DGKI: variants seen among roughly 807,000 people sequenced by gnomAD.
DGKI encodes DAG kinase iota.
In DGKI, 55 loss-of-function variants were observed where a neutral mutation model predicts 147.5. The ratio of observed to expected loss-of-function variants is 0.37; its 90% CI spans 0.30 to 0.47. The LOEUF (loss-of-function observed/expected upper bound fraction) is 0.47, where lower values mean the gene tolerates loss of function less well. Among genes scored for constraint, DGKI ranks in the 20% least tolerant of loss-of-function variants. DGKI has a pLI of 1.00. For synonymous variants in DGKI, 469 were observed against 477.1 expected (o/e 0.98, Z 0.22); for missense variants, 1,007 against 1,323.8 (o/e 0.76, Z 3.71).
chr7:137,591,703 A>G (rs1023871907), intron 12 of DGKI, among the ~76,000 whole-genome samples: 1 of 152,140 alleles, frequency 6.6e-6, no homozygotes, highest in African/African-American at 2.4e-5. Context: ...TGTTTCATCA[A>G]CTCATGTGTA....
chr7:137,522,028 C>G, intron 20 of DGKI, 62 bp from the exon 21 acceptor site: 5 of 1,232,378 alleles, frequency 4.1e-6, no homozygotes, highest in Non-Finnish European at 5.9e-6. Context: ...AGCCATGCAC[C>G]TGAAGGAATA....
At chr7:137,841,428 G>A (rs575515261) in intron 1 of DGKI, among the ~76,000 whole-genome samples, 1 of 152,276 alleles carries the variant, frequency 6.6e-6, no homozygotes, top group East Asian at 1.9e-4. Flanking sequence ...TTATGGCTTA[G>A]ATTTCATTTT....
At chr7:137,397,004 A>G (rs116974120) in intron 31 of DGKI, among the ~76,000 whole-genome samples, 1,917 of 152,302 alleles carry the variant, frequency 0.013, 15 homozygotes, top group Non-Finnish European at 0.019. Context: ...GCCTTAGGGC[A>G]GTAGGGCCCC....
chr7:137,790,231 A>AACACACACAC (rs137932599), intron 1 of DGKI, among the ~76,000 whole-genome samples: 3 of 143,712 alleles, frequency 2.1e-5, no homozygotes, highest in East Asian at 2.0e-4. Context: ...GTGTATTACC[A>AACACACACAC]ACACACACAC....
At chr7:137,429,638 T>G (rs1026418803) in intron 28 of DGKI, among the ~76,000 whole-genome samples, 1 of 151,532 alleles carries the variant, frequency 6.6e-6, no homozygotes, top group Non-Finnish European at 1.5e-5. Context: ...GGGAGAAAAT[T>G]TTCACAACCT....
chr7:137,505,748 A>G (rs867379771), intron 21 of DGKI, among the ~76,000 whole-genome samples: 76 of 151,948 alleles, frequency 5.0e-4, no homozygotes, highest in Admixed American at 8.5e-4. Context: ...CAAAAAATAC[A>G]TAGAATTCTT....
intron 12 of DGKI, among the ~76,000 whole-genome samples, chr7:137,595,689 C>G (rs552136651): frequency 1.3e-5 from 2 of 152,194 alleles, no homozygotes; most frequent in Non-Finnish European, 2.9e-5. Context: ...CACAGTGCTT[C>G]CTCCACATAT....
intron 3 of DGKI, among the ~76,000 whole-genome samples, chr7:137,666,414 C>T (rs966370214): frequency 6.6e-6 from 1 of 152,108 alleles, no homozygotes; most frequent in African/African-American, 2.4e-5. Context: ...AAAACAAACA[C>T]ACAAACAAAC....
chr7:137,563,367 T>C (rs1444573161), intron 19 of DGKI, among the ~76,000 whole-genome samples: 5 of 152,032 alleles, frequency 3.3e-5, no homozygotes, highest in Admixed American at 2.6e-4. Flanking sequence ...TGCATTCTTA[T>C]CATTTTTATT....
At chr7:137,571,904 A>G (rs1818806311) in intron 18 of DGKI, among the ~76,000 whole-genome samples, 1 of 152,186 alleles carries the variant, frequency 6.6e-6, no homozygotes, top group South Asian at 2.1e-4. Context: ...AGGACAAGAG[A>G]AAGAATAATA....
intron 1 of DGKI, among the ~76,000 whole-genome samples, chr7:137,789,625 A>C (rs778374783): frequency 1.3e-5 from 2 of 152,300 alleles, no homozygotes; most frequent in East Asian, 1.9e-4. Context: ...GGAAAAAAAA[A>C]CACACAAAAC....
intron 1 of DGKI, among the ~76,000 whole-genome samples, chr7:137,751,475 T>C (rs1418313886): frequency 6.6e-6 from 1 of 152,258 alleles, no homozygotes; most frequent in Admixed American, 6.5e-5. Flanking sequence ...TATCTTTTCA[T>C]ATATTTTTAT....
chr7:137,452,537 C>T (rs2128921192), intron 27 of DGKI, among the ~76,000 whole-genome samples: 1 of 152,314 alleles, frequency 6.6e-6, no homozygotes, highest in East Asian at 1.9e-4. Flanking sequence ...ACACGTATGT[C>T]CACACACTGA....
chr7:137,734,590 AG>A (rs1794971427), intron 1 of DGKI, among the ~76,000 whole-genome samples: 1 of 151,962 alleles, frequency 6.6e-6, no homozygotes, highest in South Asian at 2.1e-4. Flanking sequence ...CCACCTTCGA[AG>A]CAGATTCTTC....
chr7:137,647,636 A>G (rs1821876450), intron 5 of DGKI, among the ~76,000 whole-genome samples: 1 of 152,182 alleles, frequency 6.6e-6, no homozygotes, highest in Non-Finnish European at 1.5e-5. Flanking sequence ...AGTTATCAGT[A>G]TCTATCCCAT....
intron 6 of DGKI, among the ~76,000 whole-genome samples, 198 bp downstream of exon 6, chr7:137,645,274 T>C (rs1204581397): frequency 6.6e-6 from 1 of 152,244 alleles, no homozygotes; most frequent in African/African-American, 2.4e-5. Flanking sequence ...GTGCTAATTC[T>C]TTTTATTAAC....
chr7:137,747,053 G>T (rs1795360716), intron 1 of DGKI, among the ~76,000 whole-genome samples: 1 of 152,090 alleles, frequency 6.6e-6, no homozygotes, highest in African/African-American at 2.4e-5. Context: ...CTAGCGATTT[G>T]CTAGTGGGAA....
intron 6 of DGKI, among the ~76,000 whole-genome samples, chr7:137,638,622 A>ATATG: frequency 4.4e-5 from 1 of 22,574 alleles, no homozygotes; most frequent in African/African-American, 3.4e-4. Context: ...ACACACACAC[A>ATATG]TATATATGTG....
intron 28 of DGKI, among the ~76,000 whole-genome samples, chr7:137,417,329 A>G (rs1428959263): frequency 6.6e-6 from 1 of 152,198 alleles, no homozygotes; most frequent in African/African-American, 2.4e-5. Flanking sequence ...GGCGTAGGGA[A>G]CTGAGAAATT....
Sources: allele counts gnomAD v4.1 joint callset (sites outside exome capture counted in the v4.1 genomes callset), GRCh38; gene constraint gnomAD v4.1.1; transcripts MANE v1.5; gene names NCBI Gene and HGNC (gene_info 2026-07-23, HGNC 2026-07-21).